ABTB3: variants seen among roughly 807,000 people sequenced by gnomAD.
ABTB3 encodes the protein ankyrin repeat- and BTB/POZ domain-containing protein 3.
chr12:107,544,103 A>G, the ABTB3 span: 16 of 1,613,792 alleles, frequency 9.9e-6, no homozygotes, highest in African/African-American at 1.6e-4. Context: ...GAAAACCCCA[A>G]CGTGGAGCCT....
At chr12:107,654,830 A>ACACG in the ABTB3 span, among the ~76,000 whole-genome samples, 29 of 147,046 alleles carry the variant, frequency 2.0e-4, no homozygotes, top group African/African-American at 6.8e-4. Flanking sequence ...ACACACACAC[A>ACACG]CACACACACA....
chr12:107,446,996 C>T, the ABTB3 span, among the ~76,000 whole-genome samples: 4 of 152,340 alleles, frequency 2.6e-5, no homozygotes, highest in East Asian at 7.7e-4. Flanking sequence ...AAGGTTATCA[C>T]CCACTCAGGA....
At chr12:107,339,664 T>G in the ABTB3 span, among the ~76,000 whole-genome samples, 6 of 141,542 alleles carry the variant, frequency 4.2e-5, no homozygotes, top group Non-Finnish European at 9.0e-5. Context: ...ACAGGGAGCT[T>G]GTGTGTGTGC....
chr12:107,552,284 C>G, the ABTB3 span, among the ~76,000 whole-genome samples: 1 of 152,130 alleles, frequency 6.6e-6, no homozygotes, highest in Non-Finnish European at 1.5e-5. Flanking sequence ...AAAGCCTCAT[C>G]CCCAGTCCCT....
the ABTB3 span, chr12:107,649,542 T>C: frequency 4.4e-6 from 2 of 452,056 alleles, no homozygotes; most frequent in African/African-American, 3.9e-5. Flanking sequence ...TGAAACCCAA[T>C]TTTAACTGGC....
the ABTB3 span, among the ~76,000 whole-genome samples, chr12:107,652,207 A>G: frequency 6.6e-6 from 1 of 152,224 alleles, no homozygotes; most frequent in Non-Finnish European, 1.5e-5. Context: ...AACTTGTCGG[A>G]AAGGTACATT....
the ABTB3 span, among the ~76,000 whole-genome samples, chr12:107,503,417 G>A: frequency 6.6e-6 from 1 of 152,072 alleles, no homozygotes; most frequent in African/African-American, 2.4e-5. Flanking sequence ...CCTGGGGACT[G>A]CCCTCCAGGG....
chr12:107,625,799 A>AT, the ABTB3 span, among the ~76,000 whole-genome samples: 1 of 151,992 alleles, frequency 6.6e-6, no homozygotes, highest in Admixed American at 6.6e-5. Flanking sequence ...GCTGGTGGGG[A>AT]TAAAAATCCT....
chr12:107,584,539 C>A, the ABTB3 span, among the ~76,000 whole-genome samples: 1 of 152,224 alleles, frequency 6.6e-6, no homozygotes, highest in Non-Finnish European at 1.5e-5. Context: ...AGCTGAGCTC[C>A]TTCTTTCTAA....
chr12:107,459,922 T>G, the ABTB3 span, among the ~76,000 whole-genome samples: 1 of 152,102 alleles, frequency 6.6e-6, no homozygotes, highest in Non-Finnish European at 1.5e-5. Context: ...CATTCATCTC[T>G]CAGTGACTCT....
At chr12:107,507,864 T>A in the ABTB3 span, among the ~76,000 whole-genome samples, 7 of 152,238 alleles carry the variant, frequency 4.6e-5, no homozygotes, top group Admixed American at 4.6e-4. Context: ...TTTCCTGACA[T>A]GCCACCCAGG....
At chr12:107,360,785 G>A in the ABTB3 span, among the ~76,000 whole-genome samples, 1 of 152,054 alleles carries the variant, frequency 6.6e-6, no homozygotes, top group African/African-American at 2.4e-5. Flanking sequence ...ACAAGGTCTC[G>A]CTCTGTTGCC....
chr12:107,611,566 G>C, the ABTB3 span, among the ~76,000 whole-genome samples: 2 of 152,176 alleles, frequency 1.3e-5, no homozygotes, highest in African/African-American at 4.8e-5. Context: ...TGGAAATTTA[G>C]GTTGTTTCAA....
the ABTB3 span, among the ~76,000 whole-genome samples, chr12:107,552,816 T>A: frequency 6.6e-6 from 1 of 152,174 alleles, no homozygotes; most frequent in Non-Finnish European, 1.5e-5. Context: ...AGTTCATACT[T>A]CAAGATCCAA....
chr12:107,656,103 C>T, the ABTB3 span, among the ~76,000 whole-genome samples: 6 of 141,554 alleles, frequency 4.2e-5, no homozygotes, highest in Admixed American at 4.4e-4. Flanking sequence ...GCCTGAGCAA[C>T]ATAGTGAAAC....
chr12:107,555,581 A>G, the ABTB3 span, among the ~76,000 whole-genome samples: 5 of 152,204 alleles, frequency 3.3e-5, no homozygotes, highest in African/African-American at 1.2e-4. Context: ...CGGAAAAAAA[A>G]TCTGACTTCT....
the ABTB3 span, among the ~76,000 whole-genome samples, chr12:107,469,294 AG>A: frequency 6.6e-6 from 1 of 152,150 alleles, no homozygotes; most frequent in African/African-American, 2.4e-5. Flanking sequence ...GGTGGAATTG[AG>A]CTTCCTGTAA....
chr12:107,413,213 G>A, the ABTB3 span, among the ~76,000 whole-genome samples: 1 of 152,184 alleles, frequency 6.6e-6, no homozygotes, highest in African/African-American at 2.4e-5. Context: ...GGCGGAGCTT[G>A]CAGTGAGCCG....
the ABTB3 span, among the ~76,000 whole-genome samples, chr12:107,331,820 G>C: frequency 2.0e-5 from 3 of 152,196 alleles, no homozygotes; most frequent in African/African-American, 7.2e-5. Context: ...GCCATTGTTG[G>C]GGCCAGATGA....
Sources: gnomAD v4.1 joint callset for allele counts (sites outside exome capture counted in the v4.1 genomes callset) on GRCh38, gnomAD v4.1.1 for gene constraint, MANE v1.5 for transcripts, NCBI Gene and HGNC (gene_info 2026-07-23, HGNC 2026-07-21) for gene names.